Variants in ROCK1 observed in about 807,000 individuals in gnomAD.
ROCK1 encodes the protein Rho associated coiled-coil containing protein kinase 1.
Under a neutral mutation model 196.8 loss-of-function variants are expected in ROCK1, and 36 were observed. The ratio of observed to expected loss-of-function variants is 0.18; its 90% CI spans 0.14 to 0.24. ROCK1 has a LOEUF of 0.24. Ranked by LOEUF, ROCK1 falls within the 10% of genes least tolerant of loss-of-function variation. ROCK1 has a pLI of 1.00. For synonymous variants in ROCK1, 443 were observed against 515.9 expected (o/e 0.86, Z 1.91); for missense variants, 920 against 1,562.0 (o/e 0.59, Z 6.93).
rs541523576 is a variant in ROCK1 at position 21,096,589 on chromosome 18, T to C, written c.93+14229A>G. Among the ~76,000 whole-genome samples, 11 of 152,308 alleles carry C rather than the reference T, an allele frequency of 7.2e-5. No individual in the cohort carries two copies. The South Asian group carries it at 2.3e-3, about 32-fold the overall frequency. On this transcript the variant is annotated intron_variant, in intron 1 of 32. Transcript: ENST00000399799. The stretch of plus-strand genomic sequence containing the variant: ...GAAAGAAAGGGAAAGAACAAGAGAA[T>C]GGAAATAGGGGAGATAATCATTCAC...
intron 8 of ROCK1, among the ~76,000 whole-genome samples, chr18:21,041,582 T>C (rs147698074): frequency 1.8e-3 from 268 of 152,234 alleles, no homozygotes; most frequent in Non-Finnish European, 2.8e-3. Flanking sequence ...CCAACTATTA[T>C]GTCTAGAAGA....
chr18:20,993,468 TG>T (rs1324758909), intron 16 of ROCK1, among the ~76,000 whole-genome samples: 1 of 152,232 alleles, frequency 6.6e-6, no homozygotes, highest in African/African-American at 2.4e-5. Flanking sequence ...CCAAAAGTGC[TG>T]GGATTACAGG....
Position 21,006,368 on chromosome 18 carries a change from A to G in ROCK1, c.1868T>C (p.Met623Thr), listed in dbSNP as rs899089436. 2 of 1,611,858 alleles carry G rather than the reference A, an allele frequency of 1.2e-6. No individual in the cohort carries two copies. Among genetic ancestry groups the G allele is most frequent in the Non-Finnish European group, 1.7e-6 (2 of 1,179,622 alleles). The change falls in exon 16 of 33, where the codon ATG becomes ACG. Residue 623 changes from methionine (M) to threonine (T), a missense_variant. Physicochemically the swap from Met to Thr is moderately conservative, Grantham distance 81 (BLOSUM62 -1). Coordinates refer to ENST00000399799, the MANE Select transcript of ROCK1 (RefSeq NM_005406.3). ...AATATTACCTTGAAGGTCTCCAATC[A>G]TCTCAGAATCATGACCTCTGTCTCT... Reference protein sequence around the residue: ...ERRDRGHDSEMIGDLQARITS... With the variant: ...ERRDRGHDSETIGDLQARITS...
intron 29 of ROCK1, among the ~76,000 whole-genome samples, chr18:20,959,127 AT>A (rs1568367490): frequency 1.1e-4 from 6 of 52,782 alleles, no homozygotes; most frequent in African/African-American, 7.9e-4. Flanking sequence ...TATAATATAT[AT>A]ATTATATATA....
chr18:21,051,937 G>A (rs2036206794), intron 2 of ROCK1, among the ~76,000 whole-genome samples: 1 of 152,170 alleles, frequency 6.6e-6, no homozygotes, highest in Non-Finnish European at 1.5e-5. Context: ...GAAATACGTA[G>A]AAGATGAGTT....
At chr18:20,964,373 T>C (rs1210625947) in intron 27 of ROCK1, among the ~76,000 whole-genome samples, 1 of 152,190 alleles carries the variant, frequency 6.6e-6, no homozygotes, top group Non-Finnish European at 1.5e-5. Flanking sequence ...TTCCTAGATA[T>C]GAATGCAAAA....
At chr18:20,982,339 A>G (rs2035540450) in intron 21 of ROCK1, among the ~76,000 whole-genome samples, 1 of 152,124 alleles carries the variant, frequency 6.6e-6, no homozygotes, top group African/African-American at 2.4e-5. Flanking sequence ...ATAATGTCCA[A>G]CTACTGGACT....
chr18:20,996,433 A>G (rs1398009062), intron 16 of ROCK1, among the ~76,000 whole-genome samples: 2 of 152,208 alleles, frequency 1.3e-5, no homozygotes, highest in African/African-American at 4.8e-5. Context: ...AATAGCCTCA[A>G]AAGAGAGTAT....
Position 21,006,807 on chromosome 18 carries a change from T to C in ROCK1, c.1547-17A>G. Reference sequence around the variant, plus strand: ...ATGTAGAAACTAGAAAATGAAAGAATAATATATAGAAATTACAACATTTTC... The same window carrying C: ...ATGTAGAAACTAGAAAATGAAAGAACAATATATAGAAATTACAACATTTTC... On this transcript the variant is annotated splice_polypyrimidine_tract_variant and intron_variant, in intron 14 of 32. Coordinates refer to ENST00000399799, the MANE Select transcript of ROCK1 (RefSeq NM_005406.3). 6.9e-7 allele frequency: 1 copy of C among 1,444,842 alleles called. No individual in the cohort carries two copies. The highest frequency in any genetic ancestry group is 9.5e-7 in the Non-Finnish European group (1 of 1,054,924). The allele number at this position is 1,444,842 out of a possible 1,614,324, so 89.5% of individuals were successfully genotyped here. A position where few individuals can be genotyped will look rare whatever the true frequency, so the allele number is the denominator to read the frequency against.
intron 2 of ROCK1, among the ~76,000 whole-genome samples, chr18:21,067,299 C>T (rs989861252): frequency 1.2e-4 from 18 of 151,004 alleles, no homozygotes; most frequent in Middle Eastern, 3.4e-3. Flanking sequence ...AGTTGTTACA[C>T]TTGTTTATAT....
chr18:21,035,312 G>C (rs946923884), intron 9 of ROCK1, among the ~76,000 whole-genome samples: 15 of 152,208 alleles, frequency 9.9e-5, no homozygotes, highest in South Asian at 2.1e-4. Flanking sequence ...GTGCACTGCT[G>C]CTGGGAATGT....
intron 12 of ROCK1, among the ~76,000 whole-genome samples, chr18:21,019,395 TC>T (rs1203845146): frequency 6.6e-6 from 1 of 152,244 alleles, no homozygotes; most frequent in African/African-American, 2.4e-5. Context: ...CCTCACGTGA[TC>T]CACCATGTGC....
At chr18:20,980,414 C>T (rs113298908) in intron 21 of ROCK1, among the ~76,000 whole-genome samples, 4 of 151,996 alleles carry the variant, frequency 2.6e-5, no homozygotes, top group African/African-American at 9.7e-5. Context: ...AATTCTAGGA[C>T]AGGTGAAAAT....
Position 20,986,954 on chromosome 18 carries a change from T to C in ROCK1, c.2300A>G (p.Asp767Gly). 6.3e-7 allele frequency: 1 copy of C among 1,591,320 alleles called. No individual in the cohort carries two copies. The highest frequency in any genetic ancestry group is 8.5e-7 in the Non-Finnish European group (1 of 1,173,432). ...AGTCAGTACTATTTTTCTTACTTCATCCTCCATCCTTTCTTTATTTCCAGT... is the reference window on the plus strand; with the variant it reads ...AGTCAGTACTATTTTTCTTACTTCACCCTCCATCCTTTCTTTATTTCCAGT... ...HLTGNKERME[D>G]EVKNLTLQLE... The change falls in exon 19 of 33, where the codon GAT becomes GGT. Residue 767 changes from aspartate (D) to glycine (G), a missense_variant. By Grantham distance (94) the Asp-to-Gly change is moderately conservative. This residue lies in a region of ROCK1 where 520 missense variants were observed against 657.1 expected (regional missense o/e 0.79). Transcript: ENST00000399799.
rs2035231860 is a variant in ROCK1 at position 20,955,375 on chromosome 18, T to C, written c.3513-130A>G. The C allele has an allele frequency of 4.1e-6, 4 of 982,286 alleles. No individual in the cohort carries two copies. The East Asian group carries it at 1.1e-4, about 26-fold the overall frequency. The allele number at this position is 982,286 out of a possible 1,614,324, so 60.8% of individuals were successfully genotyped here. ...TCAACATCATCAGTCATTAGAGAAA[T>C]GCAAATTAAAACCACAATAAGTGTC... On this transcript the variant is annotated intron_variant, in intron 29 of 32. Coordinates refer to ENST00000399799, the MANE Select transcript of ROCK1 (RefSeq NM_005406.3).
chr18:21,036,547 T>TG (rs1426998285), intron 9 of ROCK1, among the ~76,000 whole-genome samples: 2 of 152,176 alleles, frequency 1.3e-5, no homozygotes, highest in Non-Finnish European at 2.9e-5. Context: ...TGGGCTCAGG[T>TG]GATTCTCTTA....
intron 16 of ROCK1, among the ~76,000 whole-genome samples, chr18:20,996,749 GT>G (rs951425893): frequency 2.6e-5 from 4 of 152,192 alleles, no homozygotes; most frequent in African/African-American, 9.6e-5. Flanking sequence ...CCAAGAGGCA[GT>G]AAGATTATAA....
chr18:20,959,014 A>ATATATAT (rs1491199479), intron 29 of ROCK1, among the ~76,000 whole-genome samples: 1 of 68,854 alleles, frequency 1.5e-5, no homozygotes, highest in African/African-American at 7.1e-5. Context: ...ATTTTATATA[A>ATATATAT]TATATATAAT....
At chr18:21,029,056 C>T (rs778833573) in intron 9 of ROCK1, 121 bp from the exon 10 acceptor site, 7 of 901,702 alleles carry the variant, frequency 7.8e-6, no homozygotes, top group Non-Finnish European at 1.2e-5. Flanking sequence ...ACAAATTCCA[C>T]CTGGCTTGAA....
Sources: allele counts gnomAD v4.1 joint callset (sites outside exome capture counted in the v4.1 genomes callset), GRCh38; gene constraint gnomAD v4.1.1; regional missense constraint gnomAD v4.1.1; transcripts MANE v1.5; gene names NCBI Gene and HGNC (gene_info 2026-07-23, HGNC 2026-07-21).